TMEM230: variants seen among roughly 807,000 people sequenced by gnomAD.
TMEM230 encodes the protein UPF0414 transmembrane protein C20orf30.
A neutral mutation model predicts 15.8 loss-of-function variants in TMEM230; 10 were observed. That is an observed-to-expected ratio of 0.63 (90% confidence interval 0.39 to 1.07). The LOEUF is 1.07. TMEM230 is among the 50% of genes least tolerant of loss of function. The probability of loss-of-function intolerance (pLI) is 0.01; values close to 1 mark genes in which losing one functional copy is unlikely to be tolerated. For synonymous variants in TMEM230, 67 were observed against 76.9 expected (o/e 0.87, Z 0.68); for missense variants, 165 against 193.3 (o/e 0.85, Z 0.87).
At chr20:5,083,372 G>T (rs1391816958) in intron 3 of TMEM230, among the ~76,000 whole-genome samples, 2 of 150,822 alleles carry the variant, frequency 1.3e-5, no homozygotes, top group Non-Finnish European at 2.9e-5. Flanking sequence ...TATTGAGAGA[G>T]TGGGGACCTC....
Position 5,091,617 on chromosome 20 carries a change from T to C in TMEM230, c.222+14571A>G, listed in dbSNP as rs374523032. On this transcript the variant is annotated intron_variant, in intron 3 of 3. Coordinates refer to the TMEM230 transcript ENST00000612323. ...GATATGATGGGCTGACTGTACTCATTTATTAATATTACTTATTATATTTGT... is the reference window on the plus strand; with the variant it reads ...GATATGATGGGCTGACTGTACTCATCTATTAATATTACTTATTATATTTGT... Among the ~76,000 whole-genome samples the C allele has an allele frequency of 8.7e-4, 133 of 152,324 alleles. 1 individual carries two copies. Among genetic ancestry groups the C allele is most frequent in the African/African-American group, 3.0e-3 (126 of 41,572 alleles).
intron 3 of TMEM230, among the ~76,000 whole-genome samples, chr20:5,085,432 G>T (rs1374265344): frequency 2.0e-5 from 3 of 152,110 alleles, no homozygotes; most frequent in African/African-American, 7.2e-5. Flanking sequence ...GGAATTACAG[G>T]CATGCGCCAC....
At chr20:5,091,583 G>T (rs1248489908) in intron 3 of TMEM230, among the ~76,000 whole-genome samples, 1 of 152,112 alleles carries the variant, frequency 6.6e-6, no homozygotes, top group African/African-American at 2.4e-5. Context: ...TACAGATGTG[G>T]AACCCAAGGA....
intron 3 of TMEM230, among the ~76,000 whole-genome samples, chr20:5,088,554 C>T (rs887055918): frequency 1.3e-5 from 2 of 152,090 alleles, no homozygotes; most frequent in Non-Finnish European, 2.9e-5. Flanking sequence ...ACTGCACTCA[C>T]CTGGCTAGAG....
intron 3 of TMEM230, among the ~76,000 whole-genome samples, chr20:5,070,118 T>C (rs888051803): frequency 6.6e-6 from 1 of 152,018 alleles, no homozygotes; most frequent in Non-Finnish European, 1.5e-5. Flanking sequence ...CTCATCTAGC[T>C]CTCTTGGAAC....
chr20:5,088,567 C>T (rs770713491), intron 3 of TMEM230, among the ~76,000 whole-genome samples: 5 of 151,806 alleles, frequency 3.3e-5, no homozygotes, highest in African/African-American at 9.7e-5. Flanking sequence ...GGCTAGAGTG[C>T]GGTAGCATGA....
chr20:5,072,797 C>T (rs935056568), intron 3 of TMEM230, among the ~76,000 whole-genome samples: 2 of 140,116 alleles, frequency 1.4e-5, no homozygotes, highest in African/African-American at 2.7e-5. Context: ...TGCAGTGAGC[C>T]GAGATCACGC....
intron 3 of TMEM230, among the ~76,000 whole-genome samples, chr20:5,074,065 A>G (rs368114739): frequency 6.6e-6 from 1 of 152,222 alleles, no homozygotes; most frequent in East Asian, 1.9e-4. Context: ...TCTTGCCTGA[A>G]CTCAGAGCAA....
chr20:5,071,666 T>C (rs575709310), intron 3 of TMEM230, among the ~76,000 whole-genome samples: 53 of 151,176 alleles, frequency 3.5e-4, no homozygotes, highest in East Asian at 1.4e-3. Flanking sequence ...TTTATAGTTA[T>C]AGTGATACGT....
chr20:5,059,481 T>C, the TMEM230 span, among the ~76,000 whole-genome samples: 1 of 152,260 alleles, frequency 6.6e-6, no homozygotes, highest in East Asian at 1.9e-4. Flanking sequence ...GTTGAAGGAA[T>C]AGAAGTGAGA....
chr20:5,068,326 G>C (rs1019336694), downstream of TMEM230: 1 of 152,192 alleles, frequency 6.6e-6, no homozygotes, highest in Non-Finnish European at 1.5e-5. Context: ...TAATGGCTGT[G>C]CGTATTAGTC....
intron 1 of TMEM230, 126 bp downstream of exon 1, chr20:5,112,835 T>C: frequency 1.3e-6 from 2 of 1,539,254 alleles, no homozygotes; most frequent in Non-Finnish European, 1.7e-6. Context: ...AGGCCAACTG[T>C]GCCAGGGGGG....
rs186121060 is a variant in TMEM230, at chr20:5,068,956, C to T, written c.*232G>A. The T allele has an allele frequency of 4.2e-4, 202 of 483,868 alleles. 2 individuals carry two copies. Among genetic ancestry groups the T allele is most frequent in the African/African-American group, 1.7e-3 (88 of 50,446 alleles). 30.0% of individuals were successfully genotyped at this position (483,868 alleles called of 1,614,324 possible). ...AGGTGGGGCCATGGGGAGTGGTCTGCGCCATTCTCACCATTCACAAGAGGA... is the reference window on the plus strand; with the variant it reads ...AGGTGGGGCCATGGGGAGTGGTCTGTGCCATTCTCACCATTCACAAGAGGA... On this transcript the variant is annotated 3_prime_UTR_variant, in exon 4 of 4. Transcript: ENST00000612323.
downstream of TMEM230, chr20:5,099,754 T>C (rs780907590): frequency 1.4e-6 from 1 of 732,966 alleles, no homozygotes; most frequent in African/African-American, 1.9e-5. Flanking sequence ...TTAGGGAAAG[T>C]TGAGTGTGAC....
chr20:5,068,996 A>G, exon 4 of TMEM230: 1 of 564,266 alleles, frequency 1.8e-6, no homozygotes, highest in Non-Finnish European at 3.1e-6. Flanking sequence ...CATAGGGGGT[A>G]GAGGGCAGCT....
Position 5,099,858 on chromosome 20 carries a change from G to A in TMEM230, c.*933C>T. On this transcript the variant is annotated 3_prime_UTR_variant, in exon 5 of 5. Coordinates refer to ENST00000342308, the MANE Select transcript of TMEM230 (RefSeq NM_001009923.2). ...TAAAATGTTTTCTGAAATGTTTGAA[G>A]TTAACTCATTTTATTTCTAGGATTT... 1.0e-6 allele frequency: 1 copy of A among 966,702 alleles called. No individual in the cohort carries two copies. Among genetic ancestry groups the A allele is most frequent in the South Asian group, 4.8e-5 (1 of 20,934 alleles). The allele number at this position is 966,702 out of a possible 1,614,324, so 59.9% of individuals were successfully genotyped here. A position where few individuals can be genotyped will look rare whatever the true frequency, so the allele number is the denominator to read the frequency against.
At position 5,092,142 on chromosome 20, in the gene TMEM230, T is replaced by C. The variant is rs555637530; in HGVS notation, c.222+14046A>G. 2.1e-4 allele frequency among the ~76,000 whole-genome samples: 32 copies of C among 152,338 alleles called. No homozygotes were observed. In the South Asian group the frequency reaches 5.8e-3, roughly 28 times the overall value. On this transcript the variant is annotated intron_variant, in intron 3 of 3. Transcript: ENST00000612323. The stretch of plus-strand genomic sequence containing the variant: ...TCGTAATCTCCACACACTGAGATAC[T>C]GAACTTCTTTTATTGCTGGTCTGAT...
intron 3 of TMEM230, among the ~76,000 whole-genome samples, chr20:5,083,126 C>G (rs959045469): frequency 6.6e-6 from 1 of 151,752 alleles, no homozygotes; most frequent in Non-Finnish European, 1.5e-5. Context: ...TGGGGTTTCA[C>G]CACATTGGCC....
chr20:5,084,785 C>T (rs914798284), intron 3 of TMEM230, among the ~76,000 whole-genome samples: 6 of 152,330 alleles, frequency 3.9e-5, no homozygotes, highest in South Asian at 2.1e-4. Flanking sequence ...CTGCCTGCCT[C>T]GGCCTCCCAA....
Sources: gnomAD v4.1 joint callset for allele counts (sites outside exome capture counted in the v4.1 genomes callset) on GRCh38, gnomAD v4.1.1 for gene constraint, MANE v1.5 for transcripts, NCBI Gene and HGNC (gene_info 2026-07-23, HGNC 2026-07-21) for gene names.